The following ANXA13 variants were observed in gnomAD, a reference collection of about 807,000 sequenced individuals.
ANXA13 encodes the protein annexin A13.
In ANXA13, 36 loss-of-function variants were observed where a neutral mutation model predicts 46.6. That is an observed-to-expected ratio of 0.77 (90% CI 0.59 to 1.02). The LOEUF is 1.02. Ranked by LOEUF, ANXA13 falls within the 50% of genes least tolerant of loss-of-function variation. ANXA13 has a pLI of 0.00. For missense variants in ANXA13, 417 were observed against 396.5 expected, an observed-to-expected ratio of 1.05 and a Z score of -0.44; for synonymous variants, 163 against 152.9, an observed-to-expected ratio of 1.07 and a Z score of -0.49.
chr8:123,700,121 A>G (rs1813415377), intron 3 of ANXA13, among the ~76,000 whole-genome samples: 2 of 152,202 alleles, frequency 1.3e-5, no homozygotes, highest in Non-Finnish European at 2.9e-5. Context: ...GGGCTGTTAT[A>G]TTATGCCTCC....
At chr8:123,727,008 A>G (rs1275508437) in intron 1 of ANXA13, among the ~76,000 whole-genome samples, 1 of 152,214 alleles carries the variant, frequency 6.6e-6, no homozygotes, top group Non-Finnish European at 1.5e-5. Context: ...AGCTATGAGG[A>G]CGGAAAGGCA....
intron 1 of ANXA13, among the ~76,000 whole-genome samples, chr8:123,720,657 CGTGTGTGTGTGTGT>C (rs34135339): frequency 1.8e-4 from 25 of 141,524 alleles, no homozygotes; most frequent in African/African-American, 5.3e-4. Context: ...CCTGTGTCCC[CGTGTGTGTGTGTGT>C]GTGTGTGTGT....
intron 8 of ANXA13, 106 bp from the exon 9 acceptor site, chr8:123,689,052 C>T: frequency 9.3e-7 from 1 of 1,075,840 alleles, no homozygotes. Context: ...AGATTTAGTC[C>T]TGTGGCTTCA....
At chr8:123,732,952 C>T (rs987435629) in intron 1 of ANXA13, among the ~76,000 whole-genome samples, 11 of 152,082 alleles carry the variant, frequency 7.2e-5, no homozygotes, top group Admixed American at 1.3e-4. Flanking sequence ...GTGGGAGGAT[C>T]GCTTGAGCCC....
At chr8:123,711,459 C>T (rs1443482322) in intron 2 of ANXA13, among the ~76,000 whole-genome samples, 3 of 152,084 alleles carry the variant, frequency 2.0e-5, no homozygotes, top group Non-Finnish European at 4.4e-5. Context: ...GATGCTGTCT[C>T]CCTCATCCCA....
At chr8:123,723,547 G>A (rs1563618520) in intron 1 of ANXA13, among the ~76,000 whole-genome samples, 1 of 152,184 alleles carries the variant, frequency 6.6e-6, no homozygotes, top group African/African-American at 2.4e-5. Flanking sequence ...AGAACAAATT[G>A]TGTGATCTCC....
chr8:123,724,789 T>G (rs1339269414), intron 1 of ANXA13, among the ~76,000 whole-genome samples: 1 of 152,246 alleles, frequency 6.6e-6, no homozygotes, highest in Non-Finnish European at 1.5e-5. Flanking sequence ...TCTTTCACAC[T>G]CGTCTAATCC....
chr8:123,701,339 G>A (rs375382668), intron 3 of ANXA13, among the ~76,000 whole-genome samples: 13 of 152,144 alleles, frequency 8.5e-5, no homozygotes, highest in East Asian at 7.8e-4. Context: ...GCATGGTGGC[G>A]CGTGCCTGTA....
At chr8:123,692,837 G>A (rs776052880) in intron 8 of ANXA13, among the ~76,000 whole-genome samples, 1 of 152,058 alleles carries the variant, frequency 6.6e-6, no homozygotes, top group Admixed American at 6.6e-5. Flanking sequence ...TTGGACTCTA[G>A]AGCTTCTCCC....
intron 9 of ANXA13, among the ~76,000 whole-genome samples, chr8:123,688,424 A>G (rs748037327): frequency 4.6e-5 from 7 of 152,086 alleles, no homozygotes; most frequent in Non-Finnish European, 7.4e-5. Context: ...CATCTTGGCT[A>G]TGTCTTTATC....
chr8:123,731,580 G>C (rs6983131), intron 1 of ANXA13, among the ~76,000 whole-genome samples: 128 of 152,232 alleles, frequency 8.4e-4, no homozygotes, highest in African/African-American at 3.0e-3. Flanking sequence ...ATACAAAACA[G>C]GTGGTTCTGT....
At chr8:123,695,916 C>T (rs888107734) in intron 4 of ANXA13, among the ~76,000 whole-genome samples, 195 bp from the exon 5 acceptor site, 7 of 147,686 alleles carry the variant, frequency 4.7e-5, no homozygotes, top group African/African-American at 1.8e-4. Context: ...GCCCCCCCCC[C>T]ACTCCGCCCA....
intron 1 of ANXA13, among the ~76,000 whole-genome samples, chr8:123,730,318 T>TAG (rs1814090613): frequency 6.6e-6 from 1 of 152,156 alleles, no homozygotes; most frequent in Non-Finnish European, 1.5e-5. Context: ...GTGTAGTTCC[T>TAG]AGACCAGCAG....
intron 10 of ANXA13, among the ~76,000 whole-genome samples, chr8:123,682,401 GA>G (rs1813056289): frequency 1.3e-5 from 2 of 152,212 alleles, no homozygotes; most frequent in African/African-American, 4.8e-5. Context: ...TCTCATAAAA[GA>G]AGCAGAGAAC....
chr8:123,736,786 C>T (rs1814275965), intron 1 of ANXA13, among the ~76,000 whole-genome samples: 1 of 150,202 alleles, frequency 6.7e-6, no homozygotes, highest in Non-Finnish European at 1.5e-5. Flanking sequence ...TTACATACTT[C>T]TTTCTCTTTA....
chr8:123,715,976 G>A (rs1020377422), intron 1 of ANXA13, among the ~76,000 whole-genome samples: 1 of 152,204 alleles, frequency 6.6e-6, no homozygotes, highest in African/African-American at 2.4e-5. Context: ...TAGTAAATAA[G>A]TGTCATTTGA....
At chr8:123,688,142 T>C (rs1813172715) in intron 9 of ANXA13, among the ~76,000 whole-genome samples, 2 of 152,294 alleles carry the variant, frequency 1.3e-5, no homozygotes, top group East Asian at 3.9e-4. Flanking sequence ...TCTTGAATTA[T>C]AGCTCCCACA....
intron 10 of ANXA13, among the ~76,000 whole-genome samples, chr8:123,684,040 G>A (rs1289441203): frequency 6.6e-6 from 1 of 152,080 alleles, no homozygotes; most frequent in Non-Finnish European, 1.5e-5. Context: ...ATATCCACAT[G>A]GTATATAAAC....
In ANXA13 at chr8:123,712,719, T is replaced by G. The variant is rs1813682967; in HGVS notation, c.50A>C (p.Asp17Ala). 1 of 1,614,206 alleles carries G rather than the reference T, an allele frequency of 6.2e-7. No individual in the cohort carries two copies. Among genetic ancestry groups the G allele is most frequent in the Non-Finnish European group, 8.5e-7 (1 of 1,180,042 alleles). The stretch of plus-strand genomic sequence containing the variant: ...TTTGTTCAGCTTTTTGGCATCTCGA[T>G]CCACATCAAAACCCTGAGGACTGCT... ...KASSPQGFDV[D>A]RDAKKLNKAC... is the part of the protein sequence containing the mutation. Residue 17 changes from aspartate to alanine, a missense_variant, in exon 2 of 11, where the codon GAT becomes GCT. By Grantham distance (126) the Asp-to-Ala change is moderately radical. Coordinates refer to ENST00000419625, the MANE Select transcript of ANXA13 (RefSeq NM_004306.4).
Sources: gnomAD v4.1 joint callset for allele counts (sites outside exome capture counted in the v4.1 genomes callset) on GRCh38, gnomAD v4.1.1 for gene constraint, MANE v1.5 for transcripts, NCBI Gene and HGNC (gene_info 2026-07-23, HGNC 2026-07-21) for gene names.